XIRP2: variants seen among roughly 807,000 people sequenced by gnomAD.
XIRP2 encodes the protein xin actin binding repeat containing 2.
Under a neutral mutation model 277.0 loss-of-function variants are expected in XIRP2, and 236 were observed. That is an observed-to-expected ratio of 0.85 (90% CI 0.77 to 0.95). XIRP2 has a LOEUF of 0.95. Among genes scored for constraint, XIRP2 ranks in the 40% least tolerant of loss-of-function variants. The probability of loss-of-function intolerance (pLI) is 0.00; values close to 1 mark genes in which losing one functional copy is unlikely to be tolerated. For synonymous variants in XIRP2, 1,490 were observed against 1,416.5 expected, an observed-to-expected ratio of 1.05 and a Z score of -1.17; for missense variants, 4,640 against 4,157.5, an observed-to-expected ratio of 1.12 and a Z score of -3.19.
At chr2:167,027,368 G>A (rs143810919) in intron 2 of XIRP2, among the ~76,000 whole-genome samples, 5,277 of 151,964 alleles carry the variant, frequency 0.035, 109 homozygotes, top group East Asian at 0.054. Flanking sequence ...CTCCTTTAAG[G>A]ACTTCTCTGC....
intron 2 of XIRP2, among the ~76,000 whole-genome samples, chr2:167,133,395 A>G (rs544031670): frequency 3.6e-4 from 55 of 152,290 alleles, no homozygotes; most frequent in African/African-American, 1.3e-3. Flanking sequence ...CTTTGATGTG[A>G]TGACTAGGGC....
In XIRP2 at chr2:167,243,694, A is replaced by C; in HGVS notation, c.2302A>C (p.Arg768=). The C allele has an allele frequency of 6.2e-7, 1 of 1,614,028 alleles. No individual in the cohort carries two copies. Among genetic ancestry groups the C allele is most frequent in the African/African-American group, 1.3e-5 (1 of 75,046 alleles). Residue 768 remains arginine, a synonymous_variant, in exon 9 of 11, where the codon AGA becomes CGA. Transcript: ENST00000409195. ...HREDVEKGDV[R]TARWMFETQP... ...AGAAGACGTTGAAAAGGGAGATGTA[A>C]GAACAGCACGGTGGATGTTTGAAAC... is the stretch of plus-strand genomic sequence containing the variant.
intron 2 of XIRP2, among the ~76,000 whole-genome samples, chr2:167,015,817 T>G (rs1356381902): frequency 6.6e-6 from 1 of 151,794 alleles, no homozygotes; most frequent in Admixed American, 6.6e-5. Flanking sequence ...TTTCCTAAGT[T>G]GTCTTCTTCT....
intron 2 of XIRP2, among the ~76,000 whole-genome samples, chr2:167,098,535 T>G (rs1273950079): frequency 6.6e-6 from 1 of 152,376 alleles, no homozygotes; most frequent in African/African-American, 2.4e-5. Flanking sequence ...TTCTGAAGCC[T>G]ACTTCTGTCA....
chr2:167,217,151 A>G (rs10460308), intron 4 of XIRP2, among the ~76,000 whole-genome samples: 3 of 129,360 alleles, frequency 2.3e-5, no homozygotes, highest in East Asian at 2.7e-4. Flanking sequence ...GGGGAGGGGG[A>G]AGGGGTAGCA....
intron 2 of XIRP2, among the ~76,000 whole-genome samples, chr2:167,088,442 C>G (rs1690029217): frequency 6.6e-6 from 1 of 152,146 alleles, no homozygotes; most frequent in African/African-American, 2.4e-5. Context: ...TGACACTTCA[C>G]CAAGGTCTTG....
chr2:166,995,384 C>T (rs1687191993), intron 2 of XIRP2, among the ~76,000 whole-genome samples: 1 of 152,200 alleles, frequency 6.6e-6, no homozygotes, highest in South Asian at 2.1e-4. Flanking sequence ...ACCACAAGTA[C>T]TGCCTCTCTA....
chr2:167,079,594 A>G (rs886443306), intron 2 of XIRP2, among the ~76,000 whole-genome samples: 13 of 152,024 alleles, frequency 8.6e-5, no homozygotes, highest in African/African-American at 3.1e-4. Flanking sequence ...GGATTTATCC[A>G]TTTCCTCTCA....
chr2:167,012,930 G>T (rs145929961), intron 2 of XIRP2, among the ~76,000 whole-genome samples: 81 of 151,112 alleles, frequency 5.4e-4, no homozygotes, highest in African/African-American at 1.8e-3. Flanking sequence ...GTTCTTTCAT[G>T]ATGATAAAAA....
chr2:167,009,922 T>C (rs1687618065), intron 2 of XIRP2, among the ~76,000 whole-genome samples: 1 of 152,174 alleles, frequency 6.6e-6, no homozygotes, highest in Non-Finnish European at 1.5e-5. Context: ...CTTTGTTTTT[T>C]TCTTGTAAAT....
chr2:166,959,428 T>C (rs1686246839), intron 2 of XIRP2, among the ~76,000 whole-genome samples: 1 of 151,844 alleles, frequency 6.6e-6, no homozygotes, highest in Non-Finnish European at 1.5e-5. Flanking sequence ...TTTAATCCCA[T>C]TAACTCTAAT....
At chr2:167,023,508 T>C (rs1040425453) in intron 2 of XIRP2, among the ~76,000 whole-genome samples, 3 of 152,066 alleles carry the variant, frequency 2.0e-5, no homozygotes, top group African/African-American at 7.2e-5. Context: ...GCTTTTGGTG[T>C]TTTAGACATG....
intron 2 of XIRP2, among the ~76,000 whole-genome samples, chr2:167,074,036 A>G (rs1689501157): frequency 6.6e-6 from 1 of 152,152 alleles, no homozygotes; most frequent in South Asian, 2.1e-4. Context: ...ACACTATTAT[A>G]CCCATTGCAT....
chr2:167,230,878 G>A (rs1199425528), intron 5 of XIRP2, among the ~76,000 whole-genome samples: 3 of 152,032 alleles, frequency 2.0e-5, no homozygotes, highest in Non-Finnish European at 2.9e-5. Flanking sequence ...TACTGAGACT[G>A]AAATTAGTTA....
intron 2 of XIRP2, among the ~76,000 whole-genome samples, chr2:167,074,466 T>C (rs1360159418): frequency 2.6e-5 from 4 of 152,198 alleles, no homozygotes; most frequent in South Asian, 4.1e-4. Context: ...ATGGAAAAAG[T>C]CATTCCATTT....
In XIRP2 at chr2:167,244,727, T is replaced by C. The variant is rs370308642; in HGVS notation, c.3335T>C (p.Leu1112Ser). 6 of 1,613,016 alleles carry C rather than the reference T, an allele frequency of 3.7e-6. No individual in the cohort carries two copies. The South Asian group carries it at 6.6e-5, about 18-fold the overall frequency. Residue 1112 changes from leucine (L) to serine (S), a missense_variant, in exon 9 of 11, where the codon TTA (leucine) becomes TCA (serine). Leu to Ser is a moderately radical substitution (Grantham distance 145). Coordinates refer to ENST00000409195, the MANE Select transcript of XIRP2 (RefSeq NM_152381.6). ...PMESLYEKVS[L>S]MTSSEEIHKG... ...GAGTCTCTTTATGAAAAAGTTTCGT[T>C]AATGACCAGCAGTGAAGAAATTCAT...
At position 167,154,578 on chromosome 2, in the gene XIRP2, T is replaced by G. The variant is rs1451107480; in HGVS notation, c.562+18516T>G. ...AAGTCTTTAATCCATCTGAATTAAT[T>G]TTTGTATAAAGTGTAAGGAAGGGAT... is the stretch of plus-strand genomic sequence containing the variant. On this transcript the variant is annotated intron_variant, in intron 3 of 10. Coordinates refer to ENST00000409195, the MANE Select transcript of XIRP2 (RefSeq NM_152381.6). Among the ~76,000 whole-genome samples, 4 of 152,050 alleles carry G rather than the reference T, an allele frequency of 2.6e-5. No individual in the cohort carries two copies. The East Asian group carries it at 7.7e-4, about 29-fold the overall frequency.
At chr2:166,986,772 TG>T (rs1368526218) in intron 2 of XIRP2, among the ~76,000 whole-genome samples, 8 of 152,224 alleles carry the variant, frequency 5.3e-5, no homozygotes, top group Non-Finnish European at 8.8e-5. Flanking sequence ...TGTGAAATGC[TG>T]TCATAAAACA....
chr2:167,160,434 G>A (rs75174695), intron 3 of XIRP2, among the ~76,000 whole-genome samples: 10,140 of 152,150 alleles, frequency 0.067, 435 homozygotes, highest in South Asian at 0.15. Flanking sequence ...AGACATACCC[G>A]AGACTGGGCA....
Sources: allele counts gnomAD v4.1 joint callset (sites outside exome capture counted in the v4.1 genomes callset), GRCh38; gene constraint gnomAD v4.1.1; transcripts MANE v1.5; gene names NCBI Gene and HGNC (gene_info 2026-07-23, HGNC 2026-07-21).